The following SSH2 variants were observed in gnomAD, a reference collection of about 807,000 sequenced individuals.
SSH2 encodes protein phosphatase Slingshot homolog 2.
A neutral mutation model predicts 135.2 loss-of-function variants in SSH2; 37 were observed. That is an observed-to-expected ratio of 0.27 (90% CI 0.21 to 0.36). SSH2 has a LOEUF of 0.36. Ranked by LOEUF, SSH2 falls within the 10% of genes least tolerant of loss-of-function variation. The pLI, the probability that SSH2 is intolerant of heterozygous loss-of-function variation, is 1.00. For missense variants in SSH2, 1,408 were observed against 1,765.3 expected (o/e 0.80, Z 3.63); for synonymous variants, 628 against 646.2 (o/e 0.97, Z 0.43).
At chr17:29,854,763 C>T (rs2151395026) in intron 1 of SSH2, among the ~76,000 whole-genome samples, 1 of 152,218 alleles carries the variant, frequency 6.6e-6, no homozygotes, top group South Asian at 2.1e-4. Context: ...GCCTGGCCAA[C>T]ATGGCAAAAC....
intron 9 of SSH2, among the ~76,000 whole-genome samples, chr17:29,669,562 G>A (rs1031152257): frequency 1.6e-4 from 24 of 152,046 alleles, no homozygotes; most frequent in Non-Finnish European, 1.3e-4. Flanking sequence ...CAATTTCATT[G>A]GAGAAAAATT....
intron 3 of SSH2, among the ~76,000 whole-genome samples, chr17:29,770,352 G>A (rs113581370): frequency 8.6e-5 from 13 of 151,968 alleles, no homozygotes; most frequent in African/African-American, 3.1e-4. Flanking sequence ...CCAGTGATCT[G>A]CCTGCCTTGG....
At chr17:29,791,035 T>C (rs1210414406) in intron 3 of SSH2, among the ~76,000 whole-genome samples, 5 of 151,832 alleles carry the variant, frequency 3.3e-5, no homozygotes, top group Admixed American at 6.6e-5. Flanking sequence ...GTCTGAAAGA[T>C]TATTTTTATG....
chr17:29,646,723 C>T (rs2150992283), intron 14 of SSH2, among the ~76,000 whole-genome samples: 1 of 151,866 alleles, frequency 6.6e-6, no homozygotes, highest in African/African-American at 2.4e-5. Flanking sequence ...TGGTCTCAAA[C>T]TCCCGACCTT....
intron 3 of SSH2, among the ~76,000 whole-genome samples, chr17:29,793,132 T>C (rs2042099869): frequency 6.6e-6 from 1 of 152,122 alleles, no homozygotes; most frequent in African/African-American, 2.4e-5. Context: ...GGCCTGTTTC[T>C]TGTGGGAGGG....
chr17:29,704,789 T>C (rs997343887), intron 3 of SSH2, among the ~76,000 whole-genome samples: 2 of 150,296 alleles, frequency 1.3e-5, no homozygotes, highest in Non-Finnish European at 3.0e-5. Context: ...TTATTTCATA[T>C]CAATAAACTA....
At chr17:29,900,508 G>A (rs956402463) in intron 1 of SSH2, among the ~76,000 whole-genome samples, 1 of 152,190 alleles carries the variant, frequency 6.6e-6, no homozygotes, top group Non-Finnish European at 1.5e-5. Context: ...CATTTATGCA[G>A]CCAAAAGACA....
chr17:29,734,802 C>G (rs1257980471), intron 3 of SSH2, among the ~76,000 whole-genome samples: 1 of 152,152 alleles, frequency 6.6e-6, no homozygotes, highest in Non-Finnish European at 1.5e-5. Flanking sequence ...GGAATATCTA[C>G]TCTAAGATTA....
intron 1 of SSH2, among the ~76,000 whole-genome samples, chr17:29,864,559 G>C (rs112338277): frequency 4.7e-5 from 7 of 149,584 alleles, no homozygotes; most frequent in South Asian, 2.1e-4. Context: ...ATGTTCACTT[G>C]ATCACATCTC....
chr17:29,648,021 A>G (rs774300966), intron 14 of SSH2, 123 bp downstream of exon 14: 16 of 948,962 alleles, frequency 1.7e-5, no homozygotes, highest in Non-Finnish European at 2.6e-5. Context: ...TGATAGAGAA[A>G]TAAGTCTTTT....
At chr17:29,873,415 C>CG (rs1352931388) in intron 1 of SSH2, among the ~76,000 whole-genome samples, 1 of 151,862 alleles carries the variant, frequency 6.6e-6, no homozygotes, top group Non-Finnish European at 1.5e-5. Flanking sequence ...AAAAACTAGC[C>CG]GGGCATGGTG....
At chr17:29,786,428 C>A (rs1354470528) in intron 3 of SSH2, among the ~76,000 whole-genome samples, 2 of 152,178 alleles carry the variant, frequency 1.3e-5, no homozygotes, top group Non-Finnish European at 2.9e-5. Context: ...TGCAGAAAGT[C>A]CCTGTTCCCC....
chr17:29,631,378 C>A lies in SSH2; in HGVS notation c.3816G>T (p.Gln1272His). The A allele has an allele frequency of 6.2e-7, 1 of 1,614,104 alleles. No individual in the cohort carries two copies. The change falls in exon 16 of 16, where the codon CAG becomes CAT. Residue 1272 changes from glutamine (Q) to histidine (H), a missense_variant. This residue lies in a region of SSH2 where 1,080 missense variants were observed against 1,144.5 expected (regional missense o/e 0.94). Coordinates refer to ENST00000540801, the MANE Select transcript of SSH2 (RefSeq NM_001282129.2). ...TTTGGGATGGTTTGGTGAGCCCTGC[C>A]TGGAAAACCACTCGAGACTCGATTT... is the stretch of plus-strand genomic sequence containing the variant. ...AKEIESRVVF[Q>H]AGLTKPSQMR...
At chr17:29,783,873 C>T (rs1307651137) in intron 3 of SSH2, among the ~76,000 whole-genome samples, 2 of 149,402 alleles carry the variant, frequency 1.3e-5, no homozygotes, top group African/African-American at 4.9e-5. Context: ...GAGACCATCC[C>T]GGCTAAAACG....
Position 29,895,741 on chromosome 17 carries a change from T to C in SSH2, c.63+34197A>G, listed in dbSNP as rs182996295. 3.9e-3 allele frequency among the ~76,000 whole-genome samples: 344 copies of C among 88,846 alleles called. 23 individuals are homozygous for C. The highest frequency in any genetic ancestry group is 0.012 in the African/African-American group (333 of 27,226). 58.3% of individuals were successfully genotyped at this position (88,846 alleles called of 152,430 possible). On this transcript the variant is annotated intron_variant, in intron 1 of 15. Coordinates refer to ENST00000540801, the MANE Select transcript of SSH2 (RefSeq NM_001282129.2). ...ATATATTTTATATACACATTTCATA[T>C]ATAAAATGTATTTTATATACACATT...
At position 29,740,987 on chromosome 17, in the gene SSH2, T is replaced by G. The variant is rs553252740; in HGVS notation, c.189-37925A>C. On this transcript the variant is annotated intron_variant, in intron 3 of 15. Coordinates refer to ENST00000540801, the MANE Select transcript of SSH2 (RefSeq NM_001282129.2). ...ACACTACCCATATGCTCAAAAACTCTCTGGGATAATTAGTTTCTTCATTGT... is the reference window on the plus strand; with the variant it reads ...ACACTACCCATATGCTCAAAAACTCGCTGGGATAATTAGTTTCTTCATTGT... 1.2e-3 allele frequency among the ~76,000 whole-genome samples: 189 copies of G among 152,304 alleles called. 1 individual carries two copies. The highest frequency in any genetic ancestry group is 5.8e-3 in the Admixed American group (88 of 15,298).
intron 2 of SSH2, among the ~76,000 whole-genome samples, chr17:29,806,049 C>CT (rs2042339452): frequency 6.6e-6 from 1 of 152,094 alleles, no homozygotes; most frequent in South Asian, 2.1e-4. Context: ...ATATTTTGTA[C>CT]TTTTTTCCTC....
At chr17:29,731,621 A>C (rs988829031) in intron 3 of SSH2, among the ~76,000 whole-genome samples, 1 of 152,048 alleles carries the variant, frequency 6.6e-6, no homozygotes, top group Admixed American at 6.5e-5. Flanking sequence ...ACACCCGGCT[A>C]ATCTGTGCAT....
At chr17:29,890,858 T>TGG (rs1221767238) in intron 1 of SSH2, among the ~76,000 whole-genome samples, 21 of 152,070 alleles carry the variant, frequency 1.4e-4, no homozygotes, top group African/African-American at 5.1e-4. Context: ...TGTGTTCAAG[T>TGG]GATTTTCCTG....
Sources: allele counts gnomAD v4.1 joint callset (sites outside exome capture counted in the v4.1 genomes callset), GRCh38; gene constraint gnomAD v4.1.1; regional missense constraint gnomAD v4.1.1; transcripts MANE v1.5; gene names NCBI Gene and HGNC (gene_info 2026-07-23, HGNC 2026-07-21).